MYO3A: variants seen among roughly 807,000 people sequenced by gnomAD.
MYO3A encodes the protein myosin IIIA, also known as myosin-IIIa.
A neutral mutation model predicts 192.7 loss-of-function variants in MYO3A; 180 were observed. The ratio of observed to expected loss-of-function variants is 0.93; its 90% CI spans 0.83 to 1.06. The LOEUF (loss-of-function observed/expected upper bound fraction) is 1.06. Ranked by LOEUF, MYO3A falls within the 50% of genes least tolerant of loss-of-function variation. MYO3A has a pLI of 0.00. For missense variants in MYO3A, 1,896 were observed against 1,905.0 expected (o/e 1.00, Z 0.09); for synonymous variants, 628 against 645.3 (o/e 0.97, Z 0.41).
At chr10:25,956,471 T>G (rs1223705447) in intron 4 of MYO3A, among the ~76,000 whole-genome samples, 3 of 150,774 alleles carry the variant, frequency 2.0e-5, no homozygotes, top group Non-Finnish European at 4.4e-5. Flanking sequence ...GGGATTACAG[T>G]CACATGCCAC....
intron 4 of MYO3A, among the ~76,000 whole-genome samples, chr10:25,996,006 G>A (rs190150880): frequency 6.6e-6 from 1 of 152,354 alleles, no homozygotes; most frequent in East Asian, 1.9e-4. Flanking sequence ...TCCATGCTGG[G>A]AGGACCACTA....
intron 15 of MYO3A, among the ~76,000 whole-genome samples, chr10:26,089,452 T>G (rs12779517): frequency 0.14 from 21,762 of 151,802 alleles, 1,777 homozygotes; most frequent in East Asian, 0.31. Context: ...ATACAAAAAA[T>G]TAGCCGGGCG....
At chr10:26,148,019 T>C (rs961931065) in intron 23 of MYO3A, among the ~76,000 whole-genome samples, 6 of 152,228 alleles carry the variant, frequency 3.9e-5, no homozygotes, top group African/African-American at 1.4e-4. Context: ...TTTTCTTTAC[T>C]GGAGTTTAAA....
At chr10:26,049,538 A>T (rs1843844436) in intron 10 of MYO3A, among the ~76,000 whole-genome samples, 1 of 152,164 alleles carries the variant, frequency 6.6e-6, no homozygotes, top group Non-Finnish European at 1.5e-5. Context: ...TCATTATAGC[A>T]GTGGATCCTG....
intron 17 of MYO3A, among the ~76,000 whole-genome samples, chr10:26,111,800 G>A (rs1838198728): frequency 1.3e-5 from 2 of 152,164 alleles, no homozygotes. Flanking sequence ...AGGGGAAAAC[G>A]GGAGCAGCTA....
At chr10:26,052,192 A>T (rs543762427) in intron 10 of MYO3A, among the ~76,000 whole-genome samples, 25 of 152,338 alleles carry the variant, frequency 1.6e-4, no homozygotes, top group South Asian at 6.2e-4. Context: ...ATAGCTAAAC[A>T]TGTACGGATT....
chr10:26,103,290 G>A (rs1378161541), intron 17 of MYO3A, among the ~76,000 whole-genome samples: 2 of 152,146 alleles, frequency 1.3e-5, no homozygotes, highest in African/African-American at 2.4e-5. Context: ...CATCTGTCAC[G>A]GCTTCCCTTG....
At chr10:26,142,306 T>A (rs2131839632) in intron 20 of MYO3A, among the ~76,000 whole-genome samples, 1 of 152,358 alleles carries the variant, frequency 6.6e-6, no homozygotes, top group South Asian at 2.1e-4. Context: ...CATGCAAGCA[T>A]GGCTGCATGT....
chr10:26,149,767 TC>T (rs1259512009), intron 23 of MYO3A, among the ~76,000 whole-genome samples: 2 of 152,164 alleles, frequency 1.3e-5, no homozygotes, highest in Non-Finnish European at 2.9e-5. Flanking sequence ...CACTTAAAAA[TC>T]TACTCTCTTA....
rs531639944 is a variant in MYO3A at position 26,037,380 on chromosome 10, A to G, written c.953+10848A>G. 2.0e-5 allele frequency among the ~76,000 whole-genome samples: 3 copies of G among 152,374 alleles called. No individual in the cohort carries two copies. The South Asian group carries it at 6.2e-4, about 32-fold the overall frequency. On this transcript the variant is annotated intron_variant, in intron 10 of 34. Coordinates refer to ENST00000642920, the MANE Select transcript of MYO3A (RefSeq NM_017433.5). Reference sequence around the variant, plus strand: ...GCTTTATATGTTCAACAGACACAATAGTGCGTTTAGCTATTTATTACTTAC... The same window carrying G: ...GCTTTATATGTTCAACAGACACAATGGTGCGTTTAGCTATTTATTACTTAC...
Position 26,120,316 on chromosome 10 carries a change from C to T in MYO3A, c.1777-360C>T, listed in dbSNP as rs1240534863. On this transcript the variant is annotated intron_variant, in intron 17 of 34. Transcript: ENST00000642920. ...GCCTCAAGGAAAATCCATATGGTAA[C>T]AACCACACTAAGTTCTGAAATTAAA... is the stretch of plus-strand genomic sequence containing the variant. 3.9e-5 allele frequency among the ~76,000 whole-genome samples: 6 copies of T among 152,288 alleles called. No homozygotes were observed. In the South Asian group the frequency reaches 1.2e-3, roughly 32 times the overall value.
At chr10:26,020,291 T>C (rs1842236023) in intron 7 of MYO3A, among the ~76,000 whole-genome samples, 1 of 152,244 alleles carries the variant, frequency 6.6e-6, no homozygotes, top group South Asian at 2.1e-4. Context: ...CTTTTTACTT[T>C]TTAATCACAC....
chr10:26,198,950 C>CAA (rs966547574), intron 32 of MYO3A, among the ~76,000 whole-genome samples: 2 of 152,086 alleles, frequency 1.3e-5, no homozygotes, highest in Non-Finnish European at 2.9e-5. Context: ...TACATCTTCG[C>CAA]AAAAAAGTCC....
chr10:26,205,904 C>T (rs1333585113), intron 34 of MYO3A, among the ~76,000 whole-genome samples: 1 of 151,972 alleles, frequency 6.6e-6, no homozygotes, highest in Non-Finnish European at 1.5e-5. Flanking sequence ...CAGGCGTGAG[C>T]CACCGTGCCC....
At chr10:26,190,920 C>G (rs963284824) in intron 31 of MYO3A, among the ~76,000 whole-genome samples, 1 of 152,094 alleles carries the variant, frequency 6.6e-6, no homozygotes, top group Non-Finnish European at 1.5e-5. Context: ...TGCCTTTATT[C>G]CCAGAACCTT....
At chr10:26,034,373 C>A (rs1457929013) in intron 10 of MYO3A, among the ~76,000 whole-genome samples, 2 of 152,178 alleles carry the variant, frequency 1.3e-5, no homozygotes, top group Admixed American at 1.3e-4. Context: ...CTTGGACTGC[C>A]AGGATGGCAA....
At chr10:26,147,109 G>A (rs866067414) in intron 22 of MYO3A, among the ~76,000 whole-genome samples, 28 of 152,266 alleles carry the variant, frequency 1.8e-4, no homozygotes, top group African/African-American at 5.5e-4. Context: ...GGCTCAATAT[G>A]CTTCCTTTAT....
At chr10:26,153,178 C>T (rs1048659512) in intron 23 of MYO3A, among the ~76,000 whole-genome samples, 18 of 152,256 alleles carry the variant, frequency 1.2e-4, no homozygotes, top group African/African-American at 3.6e-4. Context: ...GACATATTAT[C>T]GCATTTCATC....
intron 17 of MYO3A, among the ~76,000 whole-genome samples, chr10:26,111,833 T>A (rs1838200764): frequency 6.6e-6 from 1 of 152,218 alleles, no homozygotes; most frequent in Non-Finnish European, 1.5e-5. Context: ...GGCATCCTTC[T>A]AACTGGAAGA....
Sources: allele counts gnomAD v4.1 joint callset (sites outside exome capture counted in the v4.1 genomes callset), GRCh38; gene constraint gnomAD v4.1.1; transcripts MANE v1.5; gene names NCBI Gene and HGNC (gene_info 2026-07-23, HGNC 2026-07-21).